DCC: variants seen among roughly 807,000 people sequenced by gnomAD.
DCC encodes DCC netrin 1 receptor, also known as netrin receptor DCC.
Under a neutral mutation model 172.5 loss-of-function variants are expected in DCC, and 58 were observed. The observed-to-expected ratio is 0.34, with a 90% CI of 0.27 to 0.42. The LOEUF is 0.42. DCC is among the 10% of genes least tolerant of loss of function. The pLI is 1.00. For missense variants in DCC, 1,740 were observed against 1,791.0 expected, an observed-to-expected ratio of 0.97 and a Z score of 0.51; for synonymous variants, 709 against 644.5, an observed-to-expected ratio of 1.10 and a Z score of -1.52.
intron 5 of DCC, among the ~76,000 whole-genome samples, chr18:52,970,489 C>T (rs2041012659): frequency 6.6e-6 from 1 of 152,074 alleles, no homozygotes; most frequent in Non-Finnish European, 1.5e-5. Flanking sequence ...ATCAACATTA[C>T]TCTCCAGTGA....
intron 3 of DCC, among the ~76,000 whole-genome samples, chr18:52,908,015 C>G (rs1236219289): frequency 6.6e-6 from 1 of 152,102 alleles, no homozygotes; most frequent in Non-Finnish European, 1.5e-5. Context: ...TCTCTTTTAG[C>G]CGAACTTGTA....
In DCC at chr18:53,533,556, T is replaced by C. The variant is rs2046544655; in HGVS notation, c.*2903T>C. 6.6e-6 allele frequency: 1 copy of C among 152,186 alleles called. No individual in the cohort carries two copies. The highest frequency in any genetic ancestry group is 2.4e-5 in the African/African-American group (1 of 41,462). 9.4% of individuals were successfully genotyped at this position (152,186 alleles called of 1,614,324 possible). ...TCTCTCCTCTGCAGAAATTTCTGCA[T>C]TTGTGAAACTTATAAAAATTTAGAT... On this transcript the variant is annotated 3_prime_UTR_variant, in exon 29 of 29. Coordinates refer to ENST00000442544, the MANE Select transcript of DCC (RefSeq NM_005215.4).
intron 7 of DCC, among the ~76,000 whole-genome samples, chr18:53,154,594 T>C (rs1232365936): frequency 6.6e-6 from 1 of 152,116 alleles, no homozygotes; most frequent in Admixed American, 6.6e-5. Context: ...GGGACACTTG[T>C]GGTAATTCCA....
intron 5 of DCC, among the ~76,000 whole-genome samples, chr18:52,980,424 G>A (rs1168323507): frequency 6.6e-6 from 1 of 152,014 alleles, no homozygotes; most frequent in Non-Finnish European, 1.5e-5. Context: ...CGGTTATCTA[G>A]ACAGTTATAG....
intron 1 of DCC, among the ~76,000 whole-genome samples, chr18:52,591,270 A>G (rs2033794088): frequency 6.6e-6 from 1 of 152,306 alleles, no homozygotes; most frequent in Non-Finnish European, 1.5e-5. Flanking sequence ...GGAAAATAAA[A>G]TAAGTAATCT....
intron 26 of DCC, among the ~76,000 whole-genome samples, chr18:53,489,077 AAG>A (rs1457911767): frequency 4.6e-5 from 7 of 152,078 alleles, no homozygotes. Context: ...AAAAAAAAAA[AAG>A]AAATTAATTG....
At chr18:52,793,750 C>T (rs62083272) in intron 2 of DCC, among the ~76,000 whole-genome samples, 3,836 of 152,196 alleles carry the variant, frequency 0.025, 70 homozygotes, top group Middle Eastern at 0.078. Context: ...TATTTTCTTC[C>T]AGTAGTTCTA....
chr18:52,935,000 C>T (rs1177144588), intron 5 of DCC: 2 of 152,120 alleles, frequency 1.3e-5, no homozygotes, highest in Non-Finnish European at 2.9e-5. Context: ...AAGACTAACA[C>T]AACTACAGAA....
chr18:53,162,554 T>G (rs1014579016), intron 8 of DCC, among the ~76,000 whole-genome samples: 1 of 152,140 alleles, frequency 6.6e-6, no homozygotes, highest in Non-Finnish European at 1.5e-5. Flanking sequence ...CTCATGTTAC[T>G]TCTCTAACCT....
intron 2 of DCC, among the ~76,000 whole-genome samples, chr18:52,768,448 C>T (rs538841042): frequency 3.6e-4 from 55 of 152,128 alleles, no homozygotes; most frequent in Non-Finnish European, 6.6e-4. Flanking sequence ...TACTGAAACT[C>T]ACAAAGAGCT....
chr18:52,722,051 G>A (rs1158190554), intron 1 of DCC, among the ~76,000 whole-genome samples: 4 of 152,080 alleles, frequency 2.6e-5, no homozygotes, highest in Non-Finnish European at 4.4e-5. Context: ...AAATAAATAA[G>A]TAAATAAAAT....
intron 5 of DCC, among the ~76,000 whole-genome samples, chr18:53,031,461 T>G (rs2042024178): frequency 2.0e-5 from 3 of 152,178 alleles, no homozygotes; most frequent in African/African-American, 7.2e-5. Flanking sequence ...TTTAGAGTAC[T>G]GGAGATGAGG....
intron 2 of DCC, among the ~76,000 whole-genome samples, chr18:52,788,888 A>T (rs1354421382): frequency 6.6e-6 from 1 of 152,106 alleles, no homozygotes; most frequent in Non-Finnish European, 1.5e-5. Flanking sequence ...GAGTATGGTA[A>T]TTTTACCATG....
intron 7 of DCC, among the ~76,000 whole-genome samples, chr18:53,149,962 C>A (rs1357701454): frequency 1.3e-5 from 2 of 152,132 alleles, no homozygotes; most frequent in African/African-American, 4.8e-5. Flanking sequence ...TCAGCCCAAA[C>A]CAAATTTTCG....
At chr18:53,429,906 A>G (rs1220203332) in intron 21 of DCC, among the ~76,000 whole-genome samples, 3 of 152,118 alleles carry the variant, frequency 2.0e-5, no homozygotes, top group East Asian at 3.9e-4. Flanking sequence ...CTATTAAAAT[A>G]TTTGAAATAT....
At chr18:52,470,535 G>A (rs1026834788) in intron 1 of DCC, among the ~76,000 whole-genome samples, 1 of 152,134 alleles carries the variant, frequency 6.6e-6, no homozygotes, top group African/African-American at 2.4e-5. Flanking sequence ...TAGTAGTCAT[G>A]TCAGAGTAAT....
intron 1 of DCC, among the ~76,000 whole-genome samples, chr18:52,402,318 T>C (rs545988017): frequency 7.9e-5 from 12 of 152,176 alleles, no homozygotes; most frequent in Admixed American, 7.2e-4. Flanking sequence ...CAGAATATTT[T>C]ACTCTATAAA....
At chr18:52,479,968 A>G (rs2029890170) in intron 1 of DCC, among the ~76,000 whole-genome samples, 1 of 152,128 alleles carries the variant, frequency 6.6e-6, no homozygotes, top group Non-Finnish European at 1.5e-5. Context: ...GTCCTAAGTA[A>G]ATGCTAACAT....
intron 7 of DCC, among the ~76,000 whole-genome samples, chr18:53,121,803 GAAGTT>G (rs1403550901): frequency 1.3e-5 from 2 of 151,782 alleles, no homozygotes; most frequent in Non-Finnish European, 2.9e-5. Flanking sequence ...ACAAACCAGA[GAAGTT>G]AAGTAACTTC....
Sources: gnomAD v4.1 joint callset for allele counts (sites outside exome capture counted in the v4.1 genomes callset) on GRCh38, gnomAD v4.1.1 for gene constraint, MANE v1.5 for transcripts, NCBI Gene and HGNC (gene_info 2026-07-23, HGNC 2026-07-21) for gene names.